Variants in HAPLN1 observed in about 807,000 individuals in gnomAD.
HAPLN1 encodes the protein Cartilage link protein.
In HAPLN1, 13 loss-of-function variants were observed where a neutral mutation model predicts 36.5. The observed-to-expected ratio is 0.36, with a 90% confidence interval of 0.23 to 0.57. The LOEUF (loss-of-function observed/expected upper bound fraction) is 0.57. Among genes scored for constraint, HAPLN1 ranks in the 20% least tolerant of loss-of-function variants. The pLI is 0.83. For missense variants in HAPLN1, 407 were observed against 439.7 expected (o/e 0.93, Z 0.66); for synonymous variants, 202 against 169.8 (o/e 1.19, Z -1.48).
chr5:83,654,041 T>A (rs1561303356), intron 2 of HAPLN1, among the ~76,000 whole-genome samples: 1 of 152,250 alleles, frequency 6.6e-6, no homozygotes, highest in Non-Finnish European at 1.5e-5. Flanking sequence ...TCATTTAAGA[T>A]GTCCAAATCA....
chr5:83,686,106 G>A (rs570242306), intron 1 of HAPLN1: 1 of 138,984 alleles, frequency 7.2e-6, no homozygotes, highest in African/African-American at 2.8e-5. Flanking sequence ...CACCAATGAC[G>A]GAGCCAAAAC....
chr5:83,700,217 A>G (rs1364106632), intron 1 of HAPLN1, among the ~76,000 whole-genome samples: 2 of 150,506 alleles, frequency 1.3e-5, no homozygotes, highest in Non-Finnish European at 3.0e-5. Flanking sequence ...AAAAAAAGAC[A>G]ACCACCACCA....
At position 83,699,390 on chromosome 5, in the gene HAPLN1, T is replaced by TCA. The variant is rs1466566063; in HGVS notation, c.-27+21397_-27+21398dup. ...GGAAATGTACAGTTCAGATTGTAAA[T>TCA]CACCACGGCCTAGGATGCTACTGTT... On this transcript the variant is annotated intron_variant, in intron 1 of 4. Transcript: ENST00000274341. Among the ~76,000 whole-genome samples, 3 of 152,282 alleles carry TCA rather than the reference T, an allele frequency of 2.0e-5. No homozygotes were observed. The East Asian group carries it at 5.8e-4, about 29-fold the overall frequency.
At chr5:83,698,955 A>T (rs375144817) in intron 1 of HAPLN1, among the ~76,000 whole-genome samples, 4 of 152,344 alleles carry the variant, frequency 2.6e-5, no homozygotes, top group African/African-American at 2.4e-5. Context: ...GCATCTCTTG[A>T]TTAAGTAGAA....
intron 2 of HAPLN1, among the ~76,000 whole-genome samples, chr5:83,672,426 A>G (rs1295699676): frequency 6.6e-6 from 1 of 152,256 alleles, no homozygotes; most frequent in African/African-American, 2.4e-5. Context: ...GAAAAAAATA[A>G]AGCTGTTGGA....
intron 2 of HAPLN1, among the ~76,000 whole-genome samples, chr5:83,666,869 G>T (rs979514658): frequency 1.3e-5 from 2 of 152,050 alleles, no homozygotes; most frequent in Non-Finnish European, 2.9e-5. Context: ...CATGGAGGTG[G>T]CCAATGTTCA....
At chr5:83,697,707 A>G (rs1409496385) in intron 1 of HAPLN1, among the ~76,000 whole-genome samples, 2 of 152,112 alleles carry the variant, frequency 1.3e-5, no homozygotes, top group Admixed American at 1.3e-4. Context: ...TTATTATTGT[A>G]TGCCTTTTTC....
intron 1 of HAPLN1, among the ~76,000 whole-genome samples, chr5:83,687,238 T>C (rs918407314): frequency 8.5e-5 from 13 of 152,310 alleles, no homozygotes; most frequent in Admixed American, 2.6e-4. Flanking sequence ...TCTCAGTATA[T>C]AGTGAATGGC....
intron 3 of HAPLN1, among the ~76,000 whole-genome samples, chr5:83,651,503 ATGT>A (rs1213578028): frequency 1.3e-5 from 2 of 152,230 alleles, no homozygotes; most frequent in East Asian, 1.9e-4. Context: ...GTACTTTACG[ATGT>A]TGTGCAATTT....
intron 3 of HAPLN1, 144 bp downstream of exon 3, chr5:83,652,309 T>C (rs111525785): frequency 9.1e-6 from 7 of 769,818 alleles, no homozygotes; most frequent in African/African-American, 8.8e-5. Context: ...AGGCAGACTG[T>C]AGAATACAAA....
intron 2 of HAPLN1, among the ~76,000 whole-genome samples, chr5:83,669,304 G>A (rs56850790): frequency 0.088 from 13,428 of 152,038 alleles, 1,033 homozygotes; most frequent in African/African-American, 0.19. Context: ...GGAATTACCA[G>A]CCTGGCCAAC....
At chr5:83,718,747 CGTCAGAATTTTAACTGGTGA>C (rs1301283572) in intron 1 of HAPLN1, among the ~76,000 whole-genome samples, 1 of 152,098 alleles carries the variant, frequency 6.6e-6, no homozygotes, top group Non-Finnish European at 1.5e-5. Flanking sequence ...CCTGGTATTT[CGTCAGAATTTTAACTGGTGA>C]GAGATCATGA....
chr5:83,678,606 T>A (rs1237038571), intron 1 of HAPLN1, among the ~76,000 whole-genome samples: 1 of 152,120 alleles, frequency 6.6e-6, no homozygotes, highest in South Asian at 2.1e-4. Context: ...AAAGCATCAC[T>A]CTGGGTCCAC....
chr5:83,680,384 T>C (rs765029670), intron 1 of HAPLN1, among the ~76,000 whole-genome samples: 2 of 152,198 alleles, frequency 1.3e-5, no homozygotes, highest in African/African-American at 4.8e-5. Context: ...AGTACATATA[T>C]ATACTAATAA....
intron 1 of HAPLN1, among the ~76,000 whole-genome samples, chr5:83,703,841 G>A (rs2112631809): frequency 6.6e-6 from 1 of 152,124 alleles, no homozygotes; most frequent in Admixed American, 6.5e-5. Flanking sequence ...TGGCCTCTCT[G>A]GCAAGTTTTG....
At chr5:83,705,360 A>G (rs1244683560) in intron 1 of HAPLN1, among the ~76,000 whole-genome samples, 1 of 134,640 alleles carries the variant, frequency 7.4e-6, no homozygotes, top group African/African-American at 2.8e-5. Context: ...ATTACACTCC[A>G]GCCTGGGTGA....
chr5:83,681,930 ACCT>A (rs1356239630), intron 1 of HAPLN1, among the ~76,000 whole-genome samples: 2 of 152,156 alleles, frequency 1.3e-5, no homozygotes, highest in African/African-American at 4.8e-5. Flanking sequence ...ATGAATACAA[ACCT>A]CCTAGTTACA....
chr5:83,699,492 A>T (rs1751460385), intron 1 of HAPLN1, among the ~76,000 whole-genome samples: 1 of 152,190 alleles, frequency 6.6e-6, no homozygotes, highest in Non-Finnish European at 1.5e-5. Flanking sequence ...AAAGGTATAA[A>T]TGTTCCCCAG....
At chr5:83,694,110 T>G (rs984159283) in intron 1 of HAPLN1, among the ~76,000 whole-genome samples, 1 of 151,818 alleles carries the variant, frequency 6.6e-6, no homozygotes, top group African/African-American at 2.4e-5. Flanking sequence ...TCCCTAAGTA[T>G]AGAATTAAGG....
Sources: gnomAD v4.1 joint callset for allele counts (sites outside exome capture counted in the v4.1 genomes callset) on GRCh38, gnomAD v4.1.1 for gene constraint, MANE v1.5 for transcripts, NCBI Gene and HGNC (gene_info 2026-07-23, HGNC 2026-07-21) for gene names.